The following ARID4B variants were observed in gnomAD, a reference collection of about 807,000 sequenced individuals.
ARID4B encodes the protein AT-rich interactive domain-containing protein 4B.
A neutral mutation model predicts 147.5 loss-of-function variants in ARID4B; 26 were observed. The observed-to-expected ratio is 0.18, with a 90% CI of 0.13 to 0.24. The LOEUF (loss-of-function observed/expected upper bound fraction) is 0.24. Among genes scored for constraint, ARID4B ranks in the 10% least tolerant of loss-of-function variants. The probability of loss-of-function intolerance (pLI) is 1.00; values close to 1 mark genes in which losing one functional copy is unlikely to be tolerated. For missense variants in ARID4B, 1,179 were observed against 1,511.5 expected (o/e 0.78, Z 3.65); for synonymous variants, 512 against 507.9 (o/e 1.01, Z -0.11).
rs1435423362 is a variant in ARID4B at position 235,213,978 on chromosome 1, C to T, written c.1632G>A (p.Glu544=). The T allele has an allele frequency of 1.9e-6, 3 of 1,569,862 alleles. No individual in the cohort carries two copies. The highest frequency in any genetic ancestry group is 2.6e-6 in the Non-Finnish European group (3 of 1,142,452). ...CTTCTTCTTCTTCCTCCTCCTCCTC[C>T]TCTTCTGCTTCTTCATCATCTTCAT... is the stretch of plus-strand genomic sequence containing the variant. ...EEDEDDEEAE[E]EEEEEEEEED... The change falls in exon 17 of 24, where the codon GAG becomes GAA. Residue 544 remains glutamate, a synonymous_variant. Transcript: ENST00000264183.
At chr1:235,241,738 C>T (rs747809770) in intron 7 of ARID4B, among the ~76,000 whole-genome samples, 3 of 151,882 alleles carry the variant, frequency 2.0e-5, no homozygotes, top group Non-Finnish European at 2.9e-5. Flanking sequence ...AGGATAGTCT[C>T]GATCTCCTGA....
intron 2 of ARID4B, among the ~76,000 whole-genome samples, chr1:235,300,837 G>A (rs1369466142): frequency 6.6e-6 from 1 of 151,776 alleles, no homozygotes; most frequent in Non-Finnish European, 1.5e-5. Flanking sequence ...AGCCTCCCGA[G>A]TAGCTGGGAC....
Position 235,194,064 on chromosome 1 carries a change from T to C in ARID4B, c.2074A>G (p.Thr692Ala). Residue 692 changes from threonine (T) to alanine (A), a missense_variant, in exon 19 of 24, where the codon ACT (threonine) becomes GCT (alanine). Thr to Ala is a moderately conservative substitution (Grantham distance 58). This residue lies in a region of ARID4B where 321 missense variants were observed against 342.4 expected (regional missense o/e 0.94). Transcript: ENST00000264183. ...LDLTDAKNSDTAHIKSIEITS... is the reference protein window; with the variant it reads ...LDLTDAKNSDAAHIKSIEITS... Reference sequence around the variant, plus strand: ...ATTTCTATGGACTTAATATGAGCAGTATCAGAGTTTTTGGCATCAGTGAGA... The same window carrying C: ...ATTTCTATGGACTTAATATGAGCAGCATCAGAGTTTTTGGCATCAGTGAGA... The C allele has an allele frequency of 6.2e-7, 1 of 1,612,664 alleles. No homozygotes were observed. Among genetic ancestry groups the C allele is most frequent in the Non-Finnish European group, 8.5e-7 (1 of 1,178,684 alleles).
intron 19 of ARID4B, among the ~76,000 whole-genome samples, chr1:235,186,573 T>C (rs1039850059): frequency 6.6e-6 from 1 of 151,940 alleles, no homozygotes; most frequent in Non-Finnish European, 1.5e-5. Context: ...AAGCTAATTT[T>C]TGTATTTTTA....
intron 2 of ARID4B, among the ~76,000 whole-genome samples, chr1:235,325,303 T>C (rs952056515): frequency 6.6e-6 from 1 of 151,964 alleles, no homozygotes; most frequent in Non-Finnish European, 1.5e-5. Flanking sequence ...TTGGCTAGTA[T>C]TACCAAGAAA....
At position 235,318,750 on chromosome 1, in the gene ARID4B, G is replaced by A. The variant is rs186431036; in HGVS notation, c.6+8164C>T. 3.3e-4 allele frequency among the ~76,000 whole-genome samples: 50 copies of A among 152,040 alleles called. No individual in the cohort carries two copies. The East Asian group carries it at 8.3e-3, about 25-fold the overall frequency. ...TCCAAAATTTGCTGGGCATGGTGGCGCACACCTGTAATCCCATCTACTTGG... is the reference window on the plus strand; with the variant it reads ...TCCAAAATTTGCTGGGCATGGTGGCACACACCTGTAATCCCATCTACTTGG... On this transcript the variant is annotated intron_variant, in intron 2 of 23. Coordinates refer to ENST00000264183, the MANE Select transcript of ARID4B (RefSeq NM_016374.6).
intron 2 of ARID4B, among the ~76,000 whole-genome samples, chr1:235,296,829 G>GA (rs1558289206): frequency 2.5e-5 from 3 of 122,272 alleles, no homozygotes; most frequent in African/African-American, 9.8e-5. Context: ...AAGGAAGGAA[G>GA]GAAGGAAGGG....
chr1:235,298,200 G>A (rs1039023630), intron 2 of ARID4B, among the ~76,000 whole-genome samples: 42 of 152,120 alleles, frequency 2.8e-4, no homozygotes, highest in African/African-American at 1.0e-3. Context: ...ATAATACCAA[G>A]ATGGCAAAAT....
chr1:235,200,376 T>C (rs1665823896), intron 17 of ARID4B, among the ~76,000 whole-genome samples: 2 of 152,106 alleles, frequency 1.3e-5, no homozygotes, highest in South Asian at 4.1e-4. Flanking sequence ...GGAGAAGAGC[T>C]TGAACCCGAG....
intron 2 of ARID4B, among the ~76,000 whole-genome samples, chr1:235,284,202 A>T (rs768197236): frequency 6.6e-6 from 1 of 152,130 alleles, no homozygotes; most frequent in African/African-American, 2.4e-5. Flanking sequence ...TCTACTAAAC[A>T]TACAAAAATT....
At chr1:235,243,663 A>G (rs1014856869) in intron 7 of ARID4B, among the ~76,000 whole-genome samples, 21 of 152,186 alleles carry the variant, frequency 1.4e-4, no homozygotes, top group African/African-American at 5.1e-4. Context: ...AATACCAAAT[A>G]ATGATACAAA....
chr1:235,278,065 A>C (rs1226377929), intron 2 of ARID4B, among the ~76,000 whole-genome samples: 1 of 152,214 alleles, frequency 6.6e-6, no homozygotes, highest in Non-Finnish European at 1.5e-5. Context: ...AAAGGCAAGT[A>C]GAAAGGGCCA....
chr1:235,218,515 A>G (rs1327364204), intron 16 of ARID4B, among the ~76,000 whole-genome samples: 2 of 152,198 alleles, frequency 1.3e-5, no homozygotes, highest in African/African-American at 4.8e-5. Context: ...GCAGTACTTT[A>G]AACATACACT....
intron 22 of ARID4B, 92 bp downstream of exon 22, chr1:235,175,092 C>A (rs959473176): frequency 4.4e-6 from 5 of 1,145,578 alleles, no homozygotes; most frequent in Middle Eastern, 2.5e-4. Flanking sequence ...GGTGACAGAG[C>A]GAGACTCTGT....
intron 2 of ARID4B, among the ~76,000 whole-genome samples, chr1:235,324,341 A>T (rs1199665682): frequency 6.6e-6 from 1 of 152,352 alleles, no homozygotes; most frequent in East Asian, 1.9e-4. Flanking sequence ...ACTGTGAAAA[A>T]AGTAACATAG....
intron 2 of ARID4B, among the ~76,000 whole-genome samples, chr1:235,308,083 A>AT (rs368457519): frequency 0.025 from 2,556 of 102,740 alleles, 44 homozygotes; most frequent in Non-Finnish European, 0.033. Flanking sequence ...ATTTCTTCTA[A>AT]TTTTTTTTTT....
chr1:235,238,079 G>T (rs562320196), intron 8 of ARID4B, among the ~76,000 whole-genome samples: 1 of 149,872 alleles, frequency 6.7e-6, no homozygotes, highest in Non-Finnish European at 1.5e-5. Flanking sequence ...GGGAGGCGGA[G>T]TTGCAGTGAG....
chr1:235,166,980 G>A lies in ARID4B; in HGVS notation c.*1545C>T, dbSNP rs983055953. On this transcript the variant is annotated 3_prime_UTR_variant, in exon 24 of 24. Coordinates refer to ENST00000264183, the MANE Select transcript of ARID4B (RefSeq NM_016374.6). ...ATTACATAATTCTTCATTGTTTGCAGATCCTAATATATACTTTATAGCTTT... is the reference window on the plus strand; with the variant it reads ...ATTACATAATTCTTCATTGTTTGCAAATCCTAATATATACTTTATAGCTTT... 1.1e-5 allele frequency: 2 copies of A among 180,194 alleles called. No individual in the cohort carries two copies. Among genetic ancestry groups the A allele is most frequent in the African/African-American group, 4.7e-5 (2 of 42,328 alleles). The allele number at this position is 180,194 out of a possible 1,614,324, so 11.2% of individuals were successfully genotyped here.
intron 2 of ARID4B, among the ~76,000 whole-genome samples, chr1:235,322,097 C>T (rs139578813): frequency 4.1e-4 from 62 of 151,902 alleles, no homozygotes; most frequent in African/African-American, 1.4e-3. Flanking sequence ...GGCATGATCT[C>T]GGCTCACTGT....
Sources: allele counts gnomAD v4.1 joint callset (sites outside exome capture counted in the v4.1 genomes callset), GRCh38; gene constraint gnomAD v4.1.1; regional missense constraint gnomAD v4.1.1; transcripts MANE v1.5; gene names NCBI Gene and HGNC (gene_info 2026-07-23, HGNC 2026-07-21).